Variants in DPF3 observed in about 807,000 individuals in gnomAD.
DPF3 encodes zinc finger protein DPF3.
DPF3 carries 18 observed loss-of-function variants against 56.8 expected under a neutral mutation model. The ratio of observed to expected loss-of-function variants is 0.32; its 90% CI spans 0.22 to 0.47. DPF3 has a LOEUF of 0.47. Ranked by LOEUF, DPF3 falls within the 20% of genes least tolerant of loss-of-function variation. The pLI is 1.00. For missense variants in DPF3, 403 were observed against 488.8 expected, an observed-to-expected ratio of 0.82 and a Z score of 1.65; for synonymous variants, 188 against 180.2, an observed-to-expected ratio of 1.04 and a Z score of -0.35.
intron 1 of DPF3, among the ~76,000 whole-genome samples, chr14:72,805,506 C>T (rs1218229096): frequency 2.0e-5 from 3 of 151,802 alleles, no homozygotes; most frequent in Admixed American, 2.0e-4. Context: ...CCCAAACCCC[C>T]AGGGCAAATG....
intron 1 of DPF3, among the ~76,000 whole-genome samples, chr14:72,849,512 A>G (rs971590020): frequency 1.3e-5 from 2 of 152,064 alleles, no homozygotes; most frequent in East Asian, 1.9e-4. Flanking sequence ...TTTGTGTACA[A>G]TTCCTGCCAG....
chr14:72,731,747 T>C (rs1889658071), intron 4 of DPF3, 60 bp downstream of exon 4: 1 of 1,601,648 alleles, frequency 6.2e-7, no homozygotes, highest in Admixed American at 1.7e-5. Context: ...GGTGCTGGAG[T>C]TCTGGAAGCG....
Position 72,731,874 on chromosome 14 carries a change from A to G in DPF3, c.362T>C (p.Leu121Ser), listed in dbSNP as rs761469823. 8.7e-6 allele frequency: 14 copies of G among 1,611,046 alleles called. No homozygotes were observed. In the South Asian group the frequency reaches 1.6e-4, roughly 18 times the overall value. ...FTSESTTLEA[L>S]LRGEGVEKKV... The stretch of plus-strand genomic sequence containing the variant: ...CTTCTCAACCCCCTCGCCACGGAGC[A>G]AGGCTTCCAGCGTGGTGCTCTCTGA... Residue 121 changes from leucine to serine, a missense_variant, in exon 4 of 11, where the codon TTG becomes TCG. Coordinates refer to ENST00000556509, the MANE Select transcript of DPF3 (RefSeq NM_001280542.3).
At chr14:72,818,506 C>A (rs897575659) in intron 1 of DPF3, among the ~76,000 whole-genome samples, 1 of 152,004 alleles carries the variant, frequency 6.6e-6, no homozygotes, top group African/African-American at 2.4e-5. Flanking sequence ...ACAGAAAGAC[C>A]CTATCTCTAC....
At chr14:72,776,518 G>T (rs543816501) in intron 1 of DPF3, among the ~76,000 whole-genome samples, 1 of 152,092 alleles carries the variant, frequency 6.6e-6, no homozygotes, top group African/African-American at 2.4e-5. Flanking sequence ...GACTCCAGGG[G>T]GCCAAAGAAG....
chr14:72,824,337 G>A (rs1254467843), intron 1 of DPF3, among the ~76,000 whole-genome samples: 1 of 152,082 alleles, frequency 6.6e-6, no homozygotes, highest in African/African-American at 2.4e-5. Context: ...GACTGGTCTG[G>A]GGCAAGCTAA....
chr14:72,800,776 G>A (rs1892861855), intron 1 of DPF3, among the ~76,000 whole-genome samples: 1 of 152,110 alleles, frequency 6.6e-6, no homozygotes, highest in Admixed American at 6.6e-5. Context: ...ATGCATGAGT[G>A]GATGCATGGG....
In DPF3 at chr14:72,616,505, C is replaced by T. The variant is rs970410255; in HGVS notation, c.*2792G>A. Among the ~76,000 whole-genome samples, 2 of 152,180 alleles carry T rather than the reference C, an allele frequency of 1.3e-5. No individual in the cohort carries two copies. Among genetic ancestry groups the T allele is most frequent in the East Asian group, 3.9e-4 (2 of 5,192 alleles). On this transcript the variant is annotated 3_prime_UTR_variant, in exon 11 of 11. Transcript: ENST00000556509. ...AAGACGTCTAACATTGGCTAATGCA[C>T]ACAAGAAGGCGGACATGGAAAACAT...
At chr14:72,669,148 C>T (rs371753713) in intron 8 of DPF3, among the ~76,000 whole-genome samples, 3 of 152,324 alleles carry the variant, frequency 2.0e-5, no homozygotes, top group East Asian at 3.9e-4. Context: ...TCTCAGGCTA[C>T]CAGGAAAGCA....
intron 7 of DPF3, among the ~76,000 whole-genome samples, chr14:72,679,573 C>T (rs61689364): frequency 0.059 from 8,921 of 152,250 alleles, 625 homozygotes; most frequent in African/African-American, 0.17. Flanking sequence ...GGAAGAGATG[C>T]GCCTCTCCTC....
intron 7 of DPF3, among the ~76,000 whole-genome samples, chr14:72,680,778 C>T (rs1401116002): frequency 2.0e-5 from 3 of 152,190 alleles, no homozygotes; most frequent in African/African-American, 4.8e-5. Flanking sequence ...GGCCAGAGGG[C>T]GGGCTTCTCT....
chr14:72,648,611 C>G (rs1885799613), intron 8 of DPF3, among the ~76,000 whole-genome samples: 1 of 151,572 alleles, frequency 6.6e-6, no homozygotes. Context: ...GCATCTTCTC[C>G]ATGCCACACC....
chr14:72,683,440 T>C (rs1887255064), intron 7 of DPF3, among the ~76,000 whole-genome samples: 1 of 143,890 alleles, frequency 6.9e-6, no homozygotes, highest in South Asian at 2.3e-4. Context: ...GTGATTCTGA[T>C]GCAGCCTCAA....
chr14:72,707,635 C>T (rs1405998957), intron 6 of DPF3, among the ~76,000 whole-genome samples: 2 of 151,892 alleles, frequency 1.3e-5, no homozygotes, highest in East Asian at 3.9e-4. Flanking sequence ...GGCAGCGGGG[C>T]GTTAAAATGG....
chr14:72,677,853 G>A (rs974120848), intron 7 of DPF3, among the ~76,000 whole-genome samples: 2 of 152,176 alleles, frequency 1.3e-5, no homozygotes, highest in Non-Finnish European at 2.9e-5. Flanking sequence ...CCTCCTGTGG[G>A]AGGCGAGACA....
intron 1 of DPF3, among the ~76,000 whole-genome samples, chr14:72,858,320 A>C (rs1384476336): frequency 1.3e-5 from 2 of 151,488 alleles, no homozygotes; most frequent in Non-Finnish European, 2.9e-5. Flanking sequence ...AAAAAAAAAA[A>C]AAAAACCCAG....
intron 1 of DPF3, among the ~76,000 whole-genome samples, chr14:72,815,241 A>C (rs1883233942): frequency 6.6e-6 from 1 of 152,208 alleles, no homozygotes; most frequent in South Asian, 2.1e-4. Context: ...AAAAGGTTCA[A>C]CATTATTAGT....
intron 1 of DPF3, 132 bp downstream of exon 1, chr14:72,893,925 A>C: frequency 1.0e-6 from 1 of 981,030 alleles, no homozygotes; most frequent in South Asian, 1.4e-5. Context: ...AAGAGCTGAA[A>C]GAAGAGAGAA....
chr14:72,686,932 C>T (rs940649143), intron 7 of DPF3, among the ~76,000 whole-genome samples: 2 of 152,180 alleles, frequency 1.3e-5, no homozygotes, highest in South Asian at 2.1e-4. Flanking sequence ...AGCTTTTGGC[C>T]GCCCTCAAGC....
Sources: gnomAD v4.1 joint callset for allele counts (sites outside exome capture counted in the v4.1 genomes callset) on GRCh38, gnomAD v4.1.1 for gene constraint, MANE v1.5 for transcripts, NCBI Gene and HGNC (gene_info 2026-07-23, HGNC 2026-07-21) for gene names.